Variants in NTN1 observed in about 807,000 individuals in gnomAD.
The protein encoded by NTN1 is netrin-1.
A neutral mutation model predicts 54.2 loss-of-function variants in NTN1; 11 were observed. The observed-to-expected ratio is 0.20, with a 90% CI of 0.13 to 0.34. The LOEUF (loss-of-function observed/expected upper bound fraction) is 0.34. Ranked by LOEUF, NTN1 falls within the 10% of genes least tolerant of loss-of-function variation. The probability of loss-of-function intolerance (pLI) is 1.00; values close to 1 mark genes in which losing one functional copy is unlikely to be tolerated. For synonymous variants in NTN1, 371 were observed against 382.0 expected, an observed-to-expected ratio of 0.97 and a Z score of 0.33; for missense variants, 740 against 893.1, an observed-to-expected ratio of 0.83 and a Z score of 2.18.
In NTN1 at chr17:9,243,364, C is replaced by T. The variant is rs1906287831; in HGVS notation, c.*3396C>T. 6.8e-6 allele frequency: 1 copy of T among 147,898 alleles called. No individual in the cohort carries two copies. Among genetic ancestry groups the T allele is most frequent in the African/African-American group, 2.7e-5 (1 of 37,452 alleles). The allele number at this position is 147,898 out of a possible 1,614,324, so 9.2% of individuals were successfully genotyped here. On this transcript the variant is annotated 3_prime_UTR_variant, in exon 7 of 7. Transcript: ENST00000173229. Reference sequence around the variant, plus strand: ...GCGGCATGCTGGAGAGGGGTACGGACTTACTTTCTTGGAGTTGTCCCAGGT... The same window carrying T: ...GCGGCATGCTGGAGAGGGGTACGGATTTACTTTCTTGGAGTTGTCCCAGGT...
At chr17:9,031,812 A>G (rs1460591591) in intron 2 of NTN1, among the ~76,000 whole-genome samples, 1 of 151,686 alleles carries the variant, frequency 6.6e-6, no homozygotes, top group African/African-American at 2.4e-5. Context: ...AACAAAAAAA[A>G]CTAGCCTGGC....
At chr17:9,021,791 G>C (rs1172214809) in intron 1 of NTN1, among the ~76,000 whole-genome samples, 1 of 151,966 alleles carries the variant, frequency 6.6e-6, no homozygotes, top group African/African-American at 2.4e-5. Flanking sequence ...AGCAGCGAGC[G>C]AGAGGCTCTC....
At chr17:9,163,402 A>G (rs1484087380) in intron 3 of NTN1, among the ~76,000 whole-genome samples, 2 of 137,862 alleles carry the variant, frequency 1.5e-5, no homozygotes, top group Non-Finnish European at 3.2e-5. Flanking sequence ...CGTTGGGACA[A>G]AGGACTCTCT....
intron 6 of NTN1, among the ~76,000 whole-genome samples, chr17:9,235,525 G>A (rs1173233580): frequency 1.3e-5 from 2 of 152,146 alleles, no homozygotes; most frequent in Non-Finnish European, 2.9e-5. Context: ...TCAGTTCTGG[G>A]CTGCTGCAAC....
intron 6 of NTN1, among the ~76,000 whole-genome samples, chr17:9,234,413 C>T (rs1209759535): frequency 1.3e-5 from 2 of 152,204 alleles, no homozygotes; most frequent in African/African-American, 4.8e-5. Flanking sequence ...CAAAGCTCAG[C>T]CAGGTGCCTA....
chr17:9,195,227 AC>A (rs1555575175), intron 5 of NTN1, among the ~76,000 whole-genome samples: 1 of 91,480 alleles, frequency 1.1e-5, no homozygotes, highest in Non-Finnish European at 2.2e-5. Flanking sequence ...GGCCTCCATC[AC>A]CCCAAGGAGC....
chr17:9,194,235 CA>C (rs35308916), intron 5 of NTN1, among the ~76,000 whole-genome samples: 27,523 of 148,786 alleles, frequency 0.18, 2,879 homozygotes, highest in East Asian at 0.41. Context: ...GACTCTGTCT[CA>C]AAAAAAAAAA....
chr17:9,152,699 G>A (rs1203355725), intron 2 of NTN1, among the ~76,000 whole-genome samples: 1 of 152,208 alleles, frequency 6.6e-6, no homozygotes, highest in African/African-American at 2.4e-5. Flanking sequence ...ATGTGAGTCT[G>A]CTGATCTGTC....
At chr17:9,055,204 A>G (rs1350245514) in intron 2 of NTN1, among the ~76,000 whole-genome samples, 1 of 152,202 alleles carries the variant, frequency 6.6e-6, no homozygotes, top group Non-Finnish European at 1.5e-5. Flanking sequence ...CATTCAGTCC[A>G]TTCATTCACT....
rs76619136 is a variant in NTN1, at chr17:9,141,297, G to C, written c.1019-21516G>C. ...TGGAAGAACGCCAGCTTTAATGAGG[G>C]GGGGGAGAAGGGCAAGCATGAAAGG... On this transcript the variant is annotated intron_variant, in intron 2 of 6. Transcript: ENST00000173229. Among the ~76,000 whole-genome samples the C allele has an allele frequency of 3.9e-3, 588 of 152,110 alleles. 3 individuals carry two copies. Among genetic ancestry groups the C allele is most frequent in the East Asian group, 0.03 (153 of 5,170 alleles).
At chr17:9,159,437 C>A (rs750630196) in intron 2 of NTN1, among the ~76,000 whole-genome samples, 4 of 152,142 alleles carry the variant, frequency 2.6e-5, no homozygotes, top group Non-Finnish European at 5.9e-5. Context: ...GCTCTCATAT[C>A]CTGCTGGTAG....
At chr17:9,214,891 T>A (rs1289655506) in intron 5 of NTN1, among the ~76,000 whole-genome samples, 2 of 152,256 alleles carry the variant, frequency 1.3e-5, no homozygotes, top group African/African-American at 4.8e-5. Flanking sequence ...AGTTTTTCAG[T>A]AGAGCAGTTG....
intron 5 of NTN1, among the ~76,000 whole-genome samples, chr17:9,213,822 A>C (rs779061377): frequency 6.6e-6 from 1 of 152,210 alleles, no homozygotes; most frequent in Non-Finnish European, 1.5e-5. Flanking sequence ...TTTTCTGTTC[A>C]GATTCCATGT....
intron 3 of NTN1, among the ~76,000 whole-genome samples, chr17:9,166,149 TCCACCACCA>T (rs60014697): frequency 0.13 from 14,379 of 110,526 alleles, 1,352 homozygotes; most frequent in Non-Finnish European, 0.17. Context: ...TCAACCCCCT[TCCACCACCA>T]CCACCACCAC....
intron 5 of NTN1, among the ~76,000 whole-genome samples, chr17:9,203,070 G>C (rs776943304): frequency 5.9e-4 from 90 of 152,146 alleles, no homozygotes; most frequent in African/African-American, 1.6e-3. Flanking sequence ...TACAGGCGCT[G>C]GCCACCAAGC....
At chr17:9,127,789 G>C (rs1409519648) in intron 2 of NTN1, among the ~76,000 whole-genome samples, 3 of 152,120 alleles carry the variant, frequency 2.0e-5, no homozygotes, top group Non-Finnish European at 4.4e-5. Flanking sequence ...CTAATTCTAG[G>C]ATGCAGGAAG....
At chr17:9,092,767 T>TA (rs35676330) in intron 2 of NTN1, among the ~76,000 whole-genome samples, 1 of 6,280 alleles carries the variant, frequency 1.6e-4, no homozygotes, top group Non-Finnish European at 5.1e-4. Flanking sequence ...AATTTTTGTA[T>TA]TTTTTTTTTG....
At chr17:9,227,959 C>T (rs1310989733) in intron 6 of NTN1, among the ~76,000 whole-genome samples, 1 of 152,174 alleles carries the variant, frequency 6.6e-6, no homozygotes, top group African/African-American at 2.4e-5. Context: ...ACCATCACAG[C>T]ACTGCACATC....
chr17:9,138,228 C>T (rs2092287093), intron 2 of NTN1, among the ~76,000 whole-genome samples: 1 of 152,216 alleles, frequency 6.6e-6, no homozygotes, highest in Non-Finnish European at 1.5e-5. Flanking sequence ...TCATTCCTTT[C>T]CCCAAATTGC....
Sources: allele counts gnomAD v4.1 joint callset (sites outside exome capture counted in the v4.1 genomes callset), GRCh38; gene constraint gnomAD v4.1.1; transcripts MANE v1.5; gene names NCBI Gene and HGNC (gene_info 2026-07-23, HGNC 2026-07-21).